The following KCNK2 variants were observed in gnomAD, a reference collection of about 807,000 sequenced individuals.
KCNK2 encodes the protein potassium channel subfamily K member 2.
KCNK2 carries 21 observed loss-of-function variants against 40.5 expected under a neutral mutation model. The observed-to-expected ratio is 0.52, with a 90% CI of 0.37 to 0.75. The LOEUF (loss-of-function observed/expected upper bound fraction) is 0.75, where lower values mean the gene tolerates loss of function less well. KCNK2 is among the 30% of genes least tolerant of loss of function. KCNK2 has a pLI of 0.00. For synonymous variants in KCNK2, 191 were observed against 202.2 expected (o/e 0.94, Z 0.47); for missense variants, 399 against 531.6 (o/e 0.75, Z 2.45).
At chr1:215,174,935 T>G (rs935097035) in intron 5 of KCNK2, among the ~76,000 whole-genome samples, 2 of 152,160 alleles carry the variant, frequency 1.3e-5, no homozygotes, top group African/African-American at 2.4e-5. Context: ...TGACTTCCTC[T>G]TTTCCTAATT....
chr1:215,083,194 T>TGCCCCCC lies in KCNK2; in HGVS notation c.-192_-191insGCCCCCC. On this transcript the variant is annotated 5_prime_UTR_variant, in exon 1 of 7. Transcript: ENST00000444842. Reference sequence around the variant, plus strand: ...CCCGCGATTTCGTTTCTTCTCACGCTCCCCCCCCCGCCCCCTCCCGCGTCC... The same window carrying TGCCCCCC: ...CCCGCGATTTCGTTTCTTCTCACGCTGCCCCCCCCCCCCCCCGCCCCCTCCCGCGTCC... 8.8e-5 allele frequency: 44 copies of TGCCCCCC among 501,812 alleles called. No homozygotes were observed. The highest frequency in any genetic ancestry group is 1.1e-4 in the Non-Finnish European group (32 of 301,552). The allele number at this position is 501,812 out of a possible 1,614,324, so 31.1% of individuals were successfully genotyped here.
In KCNK2 at chr1:215,182,247, G is replaced by A. The variant is rs187636474; in HGVS notation, c.823+10064G>A. 1.1e-3 allele frequency among the ~76,000 whole-genome samples: 173 copies of A among 152,124 alleles called. 1 individual carries two copies. The highest frequency in any genetic ancestry group is 3.9e-3 in the African/African-American group (162 of 41,472). On this transcript the variant is annotated intron_variant, in intron 5 of 6. Coordinates refer to ENST00000444842, the MANE Select transcript of KCNK2 (RefSeq NM_001017425.3). ...GGCCCCACTGCACCATGATCTATGCGCAGGAAGGGCAGAGCTATTCAGGCT... is the reference window on the plus strand; with the variant it reads ...GGCCCCACTGCACCATGATCTATGCACAGGAAGGGCAGAGCTATTCAGGCT...
chr1:215,195,582 T>A (rs567137872), intron 6 of KCNK2, among the ~76,000 whole-genome samples: 1 of 152,288 alleles, frequency 6.6e-6, no homozygotes, highest in South Asian at 2.1e-4. Context: ...CAAAGCTGTA[T>A]GCATTATGGC....
chr1:215,152,523 T>C (rs1181327118), intron 3 of KCNK2, among the ~76,000 whole-genome samples: 2 of 152,272 alleles, frequency 1.3e-5, no homozygotes, highest in African/African-American at 4.8e-5. Flanking sequence ...GTGCCTTCAT[T>C]AATGGTATAA....
chr1:215,234,792 C>T (rs376567893), intron 6 of KCNK2, 36 bp from the exon 7 acceptor site: 3 of 1,541,276 alleles, frequency 1.9e-6, no homozygotes, highest in South Asian at 1.2e-5. Context: ...ATCGGCATGT[C>T]AATATCTTTA....
intron 2 of KCNK2, among the ~76,000 whole-genome samples, chr1:215,119,977 A>T (rs1661110527): frequency 1.3e-5 from 2 of 152,108 alleles, no homozygotes; most frequent in African/African-American, 4.8e-5. Context: ...TGACCAAGAC[A>T]CCTCATACAA....
intron 1 of KCNK2, among the ~76,000 whole-genome samples, chr1:215,007,014 T>TAC (rs1656152444): frequency 5.0e-5 from 1 of 20,190 alleles, no homozygotes; most frequent in Non-Finnish European, 1.5e-4. Flanking sequence ...TATATATATA[T>TAC]ATATATATAT....
chr1:215,012,125 G>GT (rs950958115), intron 1 of KCNK2, among the ~76,000 whole-genome samples: 4 of 152,122 alleles, frequency 2.6e-5, no homozygotes, highest in African/African-American at 4.8e-5. Context: ...CCTGGACATA[G>GT]TTTTTTTGTA....
chr1:215,161,467 CA>C (rs1663191407), intron 3 of KCNK2, among the ~76,000 whole-genome samples: 1 of 151,556 alleles, frequency 6.6e-6, no homozygotes, highest in Non-Finnish European at 1.5e-5. Context: ...ATGTGCAGAA[CA>C]TGAAGATTTG....
rs547441554 is a variant in KCNK2 at position 215,071,615 on chromosome 1, A to T, written c.35-14753A>T. On this transcript the variant is annotated intron_variant, in intron 1 of 6. Transcript: ENST00000391895. ...GCTATAATTATAGCAATTCCATCAG[A>T]AGTGAGTGGTACCACCTTGTAGGAA... Among the ~76,000 whole-genome samples the T allele has an allele frequency of 3.3e-5, 5 of 152,304 alleles. No homozygotes were observed. In the East Asian group the frequency reaches 9.7e-4, roughly 29 times the overall value.
At chr1:215,099,576 A>C (rs764276813) in intron 2 of KCNK2, among the ~76,000 whole-genome samples, 19 of 151,926 alleles carry the variant, frequency 1.3e-4, no homozygotes, top group Non-Finnish European at 2.5e-4. Flanking sequence ...TATAATGTGT[A>C]ATGTATTCTT....
chr1:215,010,892 G>T, intron 1 of KCNK2, among the ~76,000 whole-genome samples: 1 of 136,702 alleles, frequency 7.3e-6, no homozygotes, highest in Non-Finnish European at 1.6e-5. Flanking sequence ...GTGTGTGTGT[G>T]TGTGTATGTG....
chr1:215,099,574 G>A (rs1170960229), intron 2 of KCNK2, among the ~76,000 whole-genome samples: 5 of 151,898 alleles, frequency 3.3e-5, no homozygotes, highest in Admixed American at 2.0e-4. Flanking sequence ...AGTATAATGT[G>A]TAATGTATTC....
intron 3 of KCNK2, among the ~76,000 whole-genome samples, chr1:215,165,111 C>G (rs1414191445): frequency 6.6e-6 from 1 of 152,180 alleles, no homozygotes; most frequent in Non-Finnish European, 1.5e-5. Context: ...TGGCTTTTGT[C>G]TGACTCTTAT....
intron 1 of KCNK2, among the ~76,000 whole-genome samples, chr1:215,034,301 C>T (rs1571860702): frequency 6.6e-6 from 1 of 151,558 alleles, no homozygotes; most frequent in East Asian, 1.9e-4. Flanking sequence ...TATCTATATA[C>T]CAAAATTTGT....
At chr1:215,141,167 C>A (rs184824984) in intron 3 of KCNK2, among the ~76,000 whole-genome samples, 1 of 152,036 alleles carries the variant, frequency 6.6e-6, no homozygotes, top group Non-Finnish European at 1.5e-5. Context: ...ATAACAATAA[C>A]TTCTCCTAGA....
chr1:215,161,321 G>T (rs1236156988), intron 3 of KCNK2, among the ~76,000 whole-genome samples: 2 of 151,944 alleles, frequency 1.3e-5, no homozygotes, highest in African/African-American at 2.4e-5. Flanking sequence ...TTTCCTCCAA[G>T]AACTTACATG....
intron 3 of KCNK2, among the ~76,000 whole-genome samples, chr1:215,152,793 A>G (rs1662738729): frequency 6.6e-6 from 1 of 152,154 alleles, no homozygotes; most frequent in Non-Finnish European, 1.5e-5. Flanking sequence ...ATTTCTTTCC[A>G]TGAGATTGGA....
At chr1:215,020,208 G>A (rs1389484133) in intron 1 of KCNK2, among the ~76,000 whole-genome samples, 2 of 152,254 alleles carry the variant, frequency 1.3e-5, no homozygotes, top group South Asian at 2.1e-4. Context: ...TGTGAACTCT[G>A]TTAATAATGC....
Sources: gnomAD v4.1 joint callset for allele counts (sites outside exome capture counted in the v4.1 genomes callset) on GRCh38, gnomAD v4.1.1 for gene constraint, MANE v1.5 for transcripts, NCBI Gene and HGNC (gene_info 2026-07-23, HGNC 2026-07-21) for gene names.